The following TBC1D16 variants were observed in gnomAD, a reference collection of about 807,000 sequenced individuals.
TBC1D16 encodes the protein TBC1 domain family member 16, also known as CTD-2529O21.1.
In TBC1D16, 58 loss-of-function variants were observed where a neutral mutation model predicts 74.7. The ratio of observed to expected loss-of-function variants is 0.78; its 90% CI spans 0.63 to 0.97. TBC1D16 has a LOEUF of 0.97. TBC1D16 is among the 50% of genes least tolerant of loss of function. TBC1D16 has a pLI of 0.00. For missense variants in TBC1D16, 1,014 were observed against 1,079.5 expected, an observed-to-expected ratio of 0.94 and a Z score of 0.85; for synonymous variants, 493 against 474.7, an observed-to-expected ratio of 1.04 and a Z score of -0.50.
Position 79,940,984 on chromosome 17 carries a change from C to G in TBC1D16, c.2179G>C (p.Gly727Arg). Residue 727 changes from glycine to arginine, a missense_variant, in exon 12 of 12, where the codon GGC (glycine) becomes CGC (arginine). Coordinates refer to ENST00000310924, the MANE Select transcript of TBC1D16 (RefSeq NM_019020.4). This position sits in a 1 kb window ranked among gnomAD's most constrained non-coding sequence, Gnocchi z 5.4. ...SGSMPAVECT[G>R]HHPGSESCPY... ...CAGCTCTCCGAGCCGGGATGGTGGCCGGTGCACTCCACCGCGGGCATGGAG... is the reference window on the plus strand; with the variant it reads ...CAGCTCTCCGAGCCGGGATGGTGGCGGGTGCACTCCACCGCGGGCATGGAG... 3.1e-6 allele frequency: 5 copies of G among 1,607,896 alleles called. No homozygotes were observed. The highest frequency in any genetic ancestry group is 4.2e-6 in the Non-Finnish European group (5 of 1,177,940).
intron 3 of TBC1D16, among the ~76,000 whole-genome samples, chr17:80,003,541 C>T (rs896905932): frequency 6.6e-6 from 1 of 152,122 alleles, no homozygotes; most frequent in African/African-American, 2.4e-5. Context: ...AGATGCTTAG[C>T]GTCCCCAAAT....
intron 7 of TBC1D16, 93 bp downstream of exon 7, chr17:79,949,621 ATAT>A (rs2143658580): frequency 6.9e-7 from 1 of 1,449,256 alleles, no homozygotes; most frequent in Non-Finnish European, 9.3e-7. Context: ...GTCACGAAAC[ATAT>A]TATCAATGCT....
At chr17:80,012,512 T>A (rs2035932645) in intron 2 of TBC1D16, among the ~76,000 whole-genome samples, 1 of 152,246 alleles carries the variant, frequency 6.6e-6, no homozygotes, top group African/African-American at 2.4e-5. Context: ...TTTAAAAATT[T>A]ATTTATTCAG....
intron 1 of TBC1D16, among the ~76,000 whole-genome samples, chr17:80,025,101 T>TGACACACACC (rs1331464831): frequency 0.032 from 2,528 of 80,014 alleles, 191 homozygotes; most frequent in African/African-American, 0.056. Context: ...ACACACACCA[T>TGACACACACC]ATACACACAA....
At position 79,985,374 on chromosome 17, in the gene TBC1D16, G is replaced by C. The variant is rs1287650270; in HGVS notation, c.779+24786C>G. 6.6e-6 allele frequency among the ~76,000 whole-genome samples: 1 copy of C among 152,232 alleles called. No homozygotes were observed. Among genetic ancestry groups the C allele is most frequent in the Non-Finnish European group, 1.5e-5 (1 of 68,044 alleles). Reference sequence around the variant, plus strand: ...ACATTCTGAGGTTCTGAGTGGCCATGAATTTGCGGGGAAGGGAGTCACTAT... The same window carrying C: ...ACATTCTGAGGTTCTGAGTGGCCATCAATTTGCGGGGAAGGGAGTCACTAT... On this transcript the variant is annotated intron_variant, in intron 3 of 11. Coordinates refer to ENST00000310924, the MANE Select transcript of TBC1D16 (RefSeq NM_019020.4). The surrounding 1 kb of genome is among the most constrained non-coding windows in gnomAD (Gnocchi z 4.9).
chr17:79,993,765 T>G lies in TBC1D16; in HGVS notation c.779+16395A>C, dbSNP rs757384433. On this transcript the variant is annotated intron_variant, in intron 3 of 11. Coordinates refer to ENST00000310924, the MANE Select transcript of TBC1D16 (RefSeq NM_019020.4). This position sits in a 1 kb window ranked among gnomAD's most constrained non-coding sequence, Gnocchi z 5.1. ...TGCTCAGAGCTCTCAGAAGCTCACG[T>G]GGCCTGTGAGGCCCCTGCCAGGGCT... The G allele has an allele frequency of 2.0e-5, 3 of 152,234 alleles. No homozygotes were observed. Among genetic ancestry groups the G allele is most frequent in the Non-Finnish European group, 4.4e-5 (3 of 68,068 alleles). 9.4% of individuals were successfully genotyped at this position (152,234 alleles called of 1,614,324 possible).
Position 79,942,285 on chromosome 17 carries a change from G to C in TBC1D16, c.1909-79C>G, listed in dbSNP as rs1057335147. 4 of 1,462,604 alleles carry C rather than the reference G, an allele frequency of 2.7e-6. No homozygotes were observed. The African/African-American group carries it at 5.6e-5, about 21-fold the overall frequency. 90.6% of individuals were successfully genotyped at this position (1,462,604 alleles called of 1,614,324 possible). On this transcript the variant is annotated intron_variant, in intron 10 of 11. Transcript: ENST00000310924. ...CACTCAGGGGGAAACTGAGTGCCAG[G>C]GTGCGAGTGAGGGCTCCAGGGCGAG...
Position 79,941,189 on chromosome 17 carries a change from G to A in TBC1D16, c.2056-82C>T, listed in dbSNP as rs1269749881. On this transcript the variant is annotated intron_variant, in intron 11 of 11. Coordinates refer to ENST00000310924, the MANE Select transcript of TBC1D16 (RefSeq NM_019020.4). The surrounding 1 kb of genome is among the most constrained non-coding windows in gnomAD (Gnocchi z 4.3). The stretch of plus-strand genomic sequence containing the variant: ...GTCCCCATGGGAGTGGCCAAAGACA[G>A]CAACAGCAGCAACAACGGCCTGCAC... The A allele has an allele frequency of 7.4e-6, 10 of 1,346,652 alleles. No homozygotes were observed. The highest frequency in any genetic ancestry group is 1.0e-5 in the Non-Finnish European group (10 of 994,328). The allele number at this position is 1,346,652 out of a possible 1,614,324, so 83.4% of individuals were successfully genotyped here.
At chr17:80,006,226 T>TC (rs2035674610) in intron 3 of TBC1D16, among the ~76,000 whole-genome samples, 2 of 148,834 alleles carry the variant, frequency 1.3e-5, no homozygotes, top group South Asian at 2.1e-4. Context: ...CTCTCTTTCT[T>TC]TCTCTCTCTC....
In TBC1D16 at chr17:80,008,164, C is replaced by T. The variant is rs1030411988; in HGVS notation, c.779+1996G>A. Among the ~76,000 whole-genome samples, 7 of 152,164 alleles carry T rather than the reference C, an allele frequency of 4.6e-5. No individual in the cohort carries two copies. The highest frequency in any genetic ancestry group is 3.9e-4 in the Admixed American group (6 of 15,280). ...AGGCTCCCCCAGGAACCCCCACATGCAGCCAGGTTGAAGAACCAGCAAGGC... is the reference window on the plus strand; with the variant it reads ...AGGCTCCCCCAGGAACCCCCACATGTAGCCAGGTTGAAGAACCAGCAAGGC... On this transcript the variant is annotated intron_variant, in intron 3 of 11. Coordinates refer to ENST00000310924, the MANE Select transcript of TBC1D16 (RefSeq NM_019020.4). The surrounding 1 kb of genome is among the most constrained non-coding windows in gnomAD (Gnocchi z 4.5).
intron 3 of TBC1D16, among the ~76,000 whole-genome samples, chr17:79,970,728 G>A (rs994767652): frequency 4.6e-5 from 7 of 152,288 alleles, no homozygotes; most frequent in Non-Finnish European, 7.4e-5. Context: ...TGGACCTGGG[G>A]GTCCTCAGTG....
At chr17:80,005,012 G>A (rs1239568916) in intron 3 of TBC1D16, among the ~76,000 whole-genome samples, 2 of 152,182 alleles carry the variant, frequency 1.3e-5, no homozygotes, top group South Asian at 2.1e-4. Flanking sequence ...TCTTTCTTAG[G>A]ATGAGGTCCA....
rs1262531646 is a variant in TBC1D16, at chr17:79,952,808, T to C, written c.790A>G (p.Ser264Gly). ...GGGAACCGCAGGCCGGCGTCGGAGC[T>C]GGACGGGGGGCTGGTGGAACAGGTT... Reference protein sequence around the residue: ...FLESDSSPPSSSDAGLRFPDS... With the variant: ...FLESDSSPPSGSDAGLRFPDS... Residue 264 changes from serine (S) to glycine (G), a missense_variant, in exon 4 of 12, where the codon AGC (serine) becomes GGC (glycine). Coordinates refer to ENST00000310924, the MANE Select transcript of TBC1D16 (RefSeq NM_019020.4). 2 of 1,608,616 alleles carry C rather than the reference T, an allele frequency of 1.2e-6. No individual in the cohort carries two copies. Among genetic ancestry groups the C allele is most frequent in the Non-Finnish European group, 1.7e-6 (2 of 1,177,236 alleles).
At chr17:80,011,682 C>A (rs1230944886) in intron 2 of TBC1D16, among the ~76,000 whole-genome samples, 1 of 151,992 alleles carries the variant, frequency 6.6e-6, no homozygotes, top group Admixed American at 6.6e-5. Flanking sequence ...AAAAATTAGC[C>A]GGGCGTGATG....
Position 79,950,378 on chromosome 17 carries a change from C to T in TBC1D16, c.1257+33G>A, listed in dbSNP as rs776975387. ...TCGTTCCCGGTTCCCGGCCGGCTCT[C>T]CGCGGGGCCAGCTGGGCGGACCCGG... On this transcript the variant is annotated intron_variant, in intron 6 of 11. Transcript: ENST00000310924. The surrounding 1 kb of genome is among the most constrained non-coding windows in gnomAD (Gnocchi z 4.6). The T allele has an allele frequency of 3.2e-6, 5 of 1,566,330 alleles. No individual in the cohort carries two copies. In the African/African-American group the frequency reaches 4.1e-5, roughly 13 times the overall value.
rs2034700797 is a variant in TBC1D16 at position 79,983,894 on chromosome 17, T to A, written c.779+26266A>T. Among the ~76,000 whole-genome samples, 1 of 152,164 alleles carries A rather than the reference T, an allele frequency of 6.6e-6. No homozygotes were observed. ...AATTTAAATTTATTTAGAGACAGGG[T>A]CATGCTCTGTCACCCATGCTGGAGT... On this transcript the variant is annotated intron_variant, in intron 3 of 11. Coordinates refer to ENST00000310924, the MANE Select transcript of TBC1D16 (RefSeq NM_019020.4). This position sits in a 1 kb window ranked among gnomAD's most constrained non-coding sequence, Gnocchi z 5.6.
chr17:79,997,563 G>C (rs1338395733), intron 3 of TBC1D16, among the ~76,000 whole-genome samples: 1 of 152,158 alleles, frequency 6.6e-6, no homozygotes, highest in African/African-American at 2.4e-5. Flanking sequence ...TTTTTTAAAT[G>C]AATAGACTTT....
intron 1 of TBC1D16, among the ~76,000 whole-genome samples, chr17:80,022,881 C>T (rs940613204): frequency 4.1e-5 from 6 of 147,850 alleles, no homozygotes; most frequent in Non-Finnish European, 7.4e-5. Context: ...GTGATCCGCC[C>T]GCCTCAACCT....
At chr17:79,992,952 G>A (rs1460724327) in intron 3 of TBC1D16, 5 of 152,262 alleles carry the variant, frequency 3.3e-5, no homozygotes, top group African/African-American at 7.2e-5. Context: ...GGCTGGTCTC[G>A]ACCCCACTCC....
Sources: allele counts gnomAD v4.1 joint callset (sites outside exome capture counted in the v4.1 genomes callset), GRCh38; gene constraint gnomAD v4.1.1; non-coding constraint Gnocchi (gnomAD v3.1); transcripts MANE v1.5; gene names NCBI Gene and HGNC (gene_info 2026-07-23, HGNC 2026-07-21).